Variants in TCOF1 observed in about 807,000 individuals in gnomAD.
TCOF1 encodes treacle protein.
Under a neutral mutation model 149.0 loss-of-function variants are expected in TCOF1, and 33 were observed. The observed-to-expected ratio is 0.22, with a 90% confidence interval of 0.17 to 0.30. The LOEUF (loss-of-function observed/expected upper bound fraction) is 0.30, where lower values mean the gene tolerates loss of function less well. TCOF1 is among the 10% of genes least tolerant of loss of function. The pLI, the probability that TCOF1 is intolerant of heterozygous loss-of-function variation, is 1.00. For synonymous variants in TCOF1, 789 were observed against 738.8 expected (o/e 1.07, Z -1.10); for missense variants, 1,728 against 1,840.7 (o/e 0.94, Z 1.12).
chr5:150,376,640 G>A lies in TCOF1; in HGVS notation c.2340+20G>A. On this transcript the variant is annotated intron_variant, in intron 14 of 26. Coordinates refer to ENST00000643257, the MANE Select transcript of TCOF1 (RefSeq NM_001371623.1). ...GCACAGGTGAGGCCTAGAAGGAGCA[G>A]GCCCATCCCACCCACACCTGTTCCT... is the stretch of plus-strand genomic sequence containing the variant. 6.4e-7 allele frequency: 1 copy of A among 1,552,478 alleles called. No individual in the cohort carries two copies. The highest frequency in any genetic ancestry group is 8.7e-7 in the Non-Finnish European group (1 of 1,148,484).
intron 14 of TCOF1, among the ~76,000 whole-genome samples, chr5:150,376,909 G>A (rs1198116323): frequency 6.6e-6 from 1 of 152,222 alleles, no homozygotes; most frequent in Non-Finnish European, 1.5e-5. Flanking sequence ...TGGGGTTGCT[G>A]AGGCGCTGTT....
At chr5:150,358,763 G>T (rs1759284150) in intron 1 of TCOF1, among the ~76,000 whole-genome samples, 1 of 152,208 alleles carries the variant, frequency 6.6e-6, no homozygotes, top group Non-Finnish European at 1.5e-5. Context: ...CTTGAACCCG[G>T]GAGGCAGAGG....
chr5:150,387,306 C>CA (rs570971946), intron 17 of TCOF1, among the ~76,000 whole-genome samples: 257 of 152,296 alleles, frequency 1.7e-3, no homozygotes, highest in African/African-American at 6.0e-3. Flanking sequence ...CCCACTCACC[C>CA]AACCCTTGTT....
chr5:150,367,987 G>A (rs1030687378), intron 4 of TCOF1, 70 bp downstream of exon 4: 3 of 1,550,408 alleles, frequency 1.9e-6, no homozygotes, highest in African/African-American at 2.7e-5. Flanking sequence ...AGTCTTACAT[G>A]TCAGAGAAGG....
rs763900789 is a variant in TCOF1 at position 150,399,029 on chromosome 5, C to T, written c.4451C>T (p.Thr1484Ile). The change falls in exon 26 of 27, where the codon ACA becomes ATA. Residue 1484 changes from threonine (T) to isoleucine (I), a missense_variant. Thr to Ile is a moderately conservative substitution (Grantham distance 89, BLOSUM62 -1). Transcript: ENST00000643257. ...GTACTTCCCTCCTCACAGAAGAAGA[C>T]AGCAGAGCAGACTGTATGACGAGCA... ...SQKKKKKKKK[T>I]AEQTV 2.5e-5 allele frequency: 41 copies of T among 1,614,132 alleles called. No individual in the cohort carries two copies. Among genetic ancestry groups the T allele is most frequent in the Non-Finnish European group, 2.6e-5 (31 of 1,180,058 alleles).
At chr5:150,379,136 G>A in intron 15 of TCOF1, 93 bp from the exon 16 acceptor site, 1 of 1,613,882 alleles carries the variant, frequency 6.2e-7, no homozygotes, top group Non-Finnish European at 8.5e-7. Context: ...GCGTGCATGG[G>A]CAGGCCACCC....
chr5:150,379,532 G>A lies in TCOF1; in HGVS notation c.2659G>A (p.Val887Met). 6.2e-7 allele frequency: 1 copy of A among 1,614,148 alleles called. No individual in the cohort carries two copies. Among genetic ancestry groups the A allele is most frequent in the Non-Finnish European group, 8.5e-7 (1 of 1,179,992 alleles). Reference sequence around the variant, plus strand: ...CCTCTCATCCTGTTTCTCCCTCCAGGTGAAGCCTTCAGGGAAGACCCACCA... The same window carrying A: ...CCTCTCATCCTGTTTCTCCCTCCAGATGAAGCCTTCAGGGAAGACCCACCA... ...SEEEAETLAQVKPSGKTHQIR... is the reference protein window; with the variant it reads ...SEEEAETLAQMKPSGKTHQIR... The change falls in exon 17 of 27, where the codon GTG (valine) becomes ATG (methionine). Residue 887 changes from valine (V) to methionine (M), a missense_variant and splice_region_variant. Physicochemically the swap from Val to Met is conservative, Grantham distance 21 (BLOSUM62 1). Around this residue, in one of 2 missense-constraint regions of TCOF1, gnomAD observed 1,696 missense variants for 1,765.4 expected, o/e 0.96. Transcript: ENST00000643257.
At chr5:150,398,873 A>G in intron 25 of TCOF1, 149 bp from the exon 26 acceptor site, 1 of 1,101,954 alleles carries the variant, frequency 9.1e-7, no homozygotes, top group South Asian at 1.3e-5. Flanking sequence ...TATTTAGGAG[A>G]GCTGAACATC....
intron 17 of TCOF1, chr5:150,384,377 T>C: frequency 1.0e-6 from 1 of 985,650 alleles, no homozygotes; most frequent in East Asian, 1.1e-4. Flanking sequence ...TTGAGGGACC[T>C]GTCCCAGCAT....
At chr5:150,391,810 C>A in intron 20 of TCOF1, 147 bp from the exon 21 acceptor site, 2 of 1,156,314 alleles carry the variant, frequency 1.7e-6, no homozygotes, top group East Asian at 5.1e-5. Flanking sequence ...GAAGGAATTA[C>A]AGTACCTTTC....
chr5:150,374,376 C>T lies in TCOF1; in HGVS notation c.1073C>T (p.Ala358Val), dbSNP rs931860982. ...DSEEETPAAKALLQAKASGKT... is the reference protein window; with the variant it reads ...DSEEETPAAKVLLQAKASGKT... ...GAGGAGGAGACGCCAGCTGCCAAGG[C>T]CCTGCTTCAGGTGAGGCCTGAGGAG... Residue 358 changes from alanine to valine, a missense_variant, in exon 8 of 27, where the codon GCC (alanine) becomes GTC (valine). Ala to Val is a moderately conservative substitution (Grantham distance 64). Transcript: ENST00000643257. 1.1e-5 allele frequency: 17 copies of T among 1,553,970 alleles called. No homozygotes were observed. The highest frequency in any genetic ancestry group is 1.5e-5 in the Non-Finnish European group (17 of 1,148,658).
intron 2 of TCOF1, among the ~76,000 whole-genome samples, chr5:150,362,075 A>C (rs901990983): frequency 1.3e-5 from 2 of 152,214 alleles, no homozygotes; most frequent in Non-Finnish European, 2.9e-5. Context: ...CCCAAGAATC[A>C]TAGGGATGAA....
chr5:150,390,340 G>T lies in TCOF1; in HGVS notation c.3183+317G>T, dbSNP rs74852303. Among the ~76,000 whole-genome samples the T allele has an allele frequency of 4.6e-5, 7 of 152,276 alleles. No homozygotes were observed. In the East Asian group the frequency reaches 1.4e-3, roughly 29 times the overall value. The stretch of plus-strand genomic sequence containing the variant: ...CAGTTTTGAAATGCCATGAACAAAA[G>T]TTGCCCTTTTTTGGTGTTTGTAATA... On this transcript the variant is annotated intron_variant, in intron 19 of 26. Transcript: ENST00000643257.
At chr5:150,386,071 G>A (rs1766222143) in intron 17 of TCOF1, among the ~76,000 whole-genome samples, 1 of 151,862 alleles carries the variant, frequency 6.6e-6, no homozygotes, top group Non-Finnish European at 1.5e-5. Flanking sequence ...TGAGAAGCAG[G>A]TCTTCTCCTA....
intron 1 of TCOF1, among the ~76,000 whole-genome samples, chr5:150,358,211 G>A (rs529517208): frequency 6.6e-6 from 1 of 152,180 alleles, no homozygotes; most frequent in African/African-American, 2.4e-5. Context: ...CCCCCCTGGG[G>A]CAAGGAGGTT....
chr5:150,375,801 A>G lies in TCOF1; in HGVS notation c.1785A>G (p.Val595=). 1 of 1,614,230 alleles carries G rather than the reference A, an allele frequency of 6.2e-7. No homozygotes were observed. Among genetic ancestry groups the G allele is most frequent in the Non-Finnish European group, 8.5e-7 (1 of 1,180,042 alleles). ...AKGPPQKAGP[V]AVQVKAEKPM... is the part of the protein sequence containing the mutation. The stretch of plus-strand genomic sequence containing the variant: ...GGCCCCCTCAGAAGGCAGGGCCTGT[A>G]GCCGTCCAGGTCAAGGCTGAAAAGC... Residue 595 remains valine, a synonymous_variant, in exon 12 of 27, where the codon GTA becomes GTG. Coordinates refer to ENST00000643257, the MANE Select transcript of TCOF1 (RefSeq NM_001371623.1).
At chr5:150,392,962 G>A (rs1213839891) in intron 22 of TCOF1, 172 bp downstream of exon 22, 17 of 777,020 alleles carry the variant, frequency 2.2e-5, no homozygotes, top group Non-Finnish European at 3.7e-5. Context: ...GCAGACCACA[G>A]CCAGGCTGCC....
At chr5:150,365,999 T>C (rs1162447654) in intron 3 of TCOF1, among the ~76,000 whole-genome samples, 2 of 151,262 alleles carry the variant, frequency 1.3e-5, no homozygotes, top group East Asian at 3.9e-4. Flanking sequence ...CGTGTGCTTG[T>C]AGTTTCAGCT....
chr5:150,383,742 A>G lies in TCOF1; in HGVS notation c.2859+4010A>G, dbSNP rs7715100. The stretch of plus-strand genomic sequence containing the variant: ...ATCTCTCTGTTTTCTGTTTAGGACC[A>G]GGAGTCTTCTTGAATCCCATGAGCT... On this transcript the variant is annotated intron_variant, in intron 17 of 26. Transcript: ENST00000643257. 243,275 of 1,551,574 alleles carry G rather than the reference A, an allele frequency of 0.16. 20,087 individuals carry two copies. Among genetic ancestry groups the G allele is most frequent in the African/African-American group, 0.25 (18,404 of 73,088 alleles).
Sources: gnomAD v4.1 joint callset for allele counts (sites outside exome capture counted in the v4.1 genomes callset) on GRCh38, gnomAD v4.1.1 for gene constraint, gnomAD v4.1.1 regional missense constraint, MANE v1.5 for transcripts, NCBI Gene and HGNC (gene_info 2026-07-23, HGNC 2026-07-21) for gene names.